The following PRKG1 variants were observed in gnomAD, a reference collection of about 807,000 sequenced individuals.
The protein encoded by PRKG1 is cGMP-dependent protein kinase 1.
In PRKG1, 35 loss-of-function variants were observed where a neutral mutation model predicts 88.1. The observed-to-expected ratio is 0.40, with a 90% confidence interval of 0.30 to 0.53. PRKG1 has a LOEUF of 0.53. Ranked by LOEUF, PRKG1 falls within the 20% of genes least tolerant of loss-of-function variation. The probability of loss-of-function intolerance (pLI) is 0.59; values close to 1 mark genes in which losing one functional copy is unlikely to be tolerated. For synonymous variants in PRKG1, 303 were observed against 292.5 expected (o/e 1.04, Z -0.37); for missense variants, 540 against 839.8 (o/e 0.64, Z 4.41).
rs777961533 is a variant in PRKG1, at chr10:51,078,305, G to A, written c.311+3404G>A. On this transcript the variant is annotated intron_variant, in intron 1 of 17. Coordinates refer to ENST00000373980, the MANE Select transcript of PRKG1 (RefSeq NM_006258.4). ...ACGATCTTGGCTCACTGTAACCTCC[G>A]CCTCCAGGGTTCAAGCAACTCTCCC... is the stretch of plus-strand genomic sequence containing the variant. 1.1e-4 allele frequency among the ~76,000 whole-genome samples: 16 copies of A among 151,536 alleles called. No individual in the cohort carries two copies. The East Asian group carries it at 1.6e-3, about 15-fold the overall frequency.
At chr10:52,275,696 T>C (rs1841856877) in intron 12 of PRKG1, among the ~76,000 whole-genome samples, 1 of 152,046 alleles carries the variant, frequency 6.6e-6, no homozygotes, top group Non-Finnish European at 1.5e-5. Context: ...ATTTTAGAAT[T>C]TTTTTTCTAA....
chr10:51,762,092 A>C (rs1041744270), intron 3 of PRKG1, among the ~76,000 whole-genome samples: 1 of 152,214 alleles, frequency 6.6e-6, no homozygotes, highest in Non-Finnish European at 1.5e-5. Flanking sequence ...CTGAGTTAAT[A>C]GTTTTATAGA....
intron 5 of PRKG1, among the ~76,000 whole-genome samples, chr10:52,051,095 G>C (rs1048651755): frequency 1.3e-5 from 2 of 152,118 alleles, no homozygotes; most frequent in Non-Finnish European, 2.9e-5. Flanking sequence ...CAATAGTGCT[G>C]AGGTTAAGAA....
chr10:50,995,424 G>A (rs982752140), intron 1 of PRKG1, among the ~76,000 whole-genome samples: 3 of 152,186 alleles, frequency 2.0e-5, no homozygotes, highest in Non-Finnish European at 2.9e-5. Context: ...GAACATATCC[G>A]ACTTATTGCG....
chr10:51,176,004 A>G (rs1325405005), intron 2 of PRKG1, among the ~76,000 whole-genome samples: 2 of 152,174 alleles, frequency 1.3e-5, no homozygotes, highest in Non-Finnish European at 2.9e-5. Context: ...GTACAGTTTA[A>G]GAAAGATGGG....
intron 3 of PRKG1, among the ~76,000 whole-genome samples, chr10:51,468,927 C>G (rs573647296): frequency 6.6e-6 from 1 of 151,772 alleles, no homozygotes; most frequent in Admixed American, 6.6e-5. Flanking sequence ...AGTGAAATCA[C>G]CTTTTTATTC....
rs558266389 is a variant in PRKG1 at position 51,945,277 on chromosome 10, C to A, written c.762+37707C>A. Among the ~76,000 whole-genome samples, 15 of 150,734 alleles carry A rather than the reference C, an allele frequency of 1.0e-4. No homozygotes were observed. The East Asian group carries it at 1.8e-3, about 18-fold the overall frequency. On this transcript the variant is annotated intron_variant, in intron 5 of 17. Transcript: ENST00000373980. ...GTTTTATCAGAGACTAGGATTGCAA[C>A]CCCAGCCTTTTTTTGTTTTCCATTT...
intron 4 of PRKG1, among the ~76,000 whole-genome samples, chr10:51,813,317 CA>C (rs141906300): frequency 0.041 from 6,261 of 152,150 alleles, 278 homozygotes; most frequent in East Asian, 0.11. Flanking sequence ...CAAATTTCAA[CA>C]ATGCCAAAAC....
chr10:51,769,303 T>C (rs149785242), intron 3 of PRKG1, among the ~76,000 whole-genome samples: 2 of 152,354 alleles, frequency 1.3e-5, no homozygotes, highest in African/African-American at 4.8e-5. Context: ...GAATCAATTA[T>C]CTTTTCAAGT....
At chr10:51,860,897 A>T (rs1840856318) in intron 4 of PRKG1, among the ~76,000 whole-genome samples, 1 of 152,210 alleles carries the variant, frequency 6.6e-6, no homozygotes, top group Admixed American at 6.5e-5. Flanking sequence ...GTAGCTGAAT[A>T]GAAAGCTGGA....
At chr10:51,437,450 T>C (rs1838966375) in intron 2 of PRKG1, among the ~76,000 whole-genome samples, 2 of 151,952 alleles carry the variant, frequency 1.3e-5, no homozygotes, top group Admixed American at 1.3e-4. Context: ...GTAAATGCTT[T>C]ATCTAATGGC....
Position 51,269,988 on chromosome 10 carries a change from C to T in PRKG1, c.478+116658C>T, listed in dbSNP as rs760165362. ...TTTCACTTCAGTGCACATAGAAAAC[C>T]ACAGAGATTGCTCACAGCTTGAGGT... On this transcript the variant is annotated intron_variant, in intron 2 of 17. Coordinates refer to ENST00000373980, the MANE Select transcript of PRKG1 (RefSeq NM_006258.4). Among the ~76,000 whole-genome samples, 44 of 152,110 alleles carry T rather than the reference C, an allele frequency of 2.9e-4. 1 individual carries two copies. Among genetic ancestry groups the T allele is most frequent in the Non-Finnish European group, 3.7e-4 (25 of 68,030 alleles).
intron 3 of PRKG1, among the ~76,000 whole-genome samples, chr10:51,616,178 C>A (rs961245643): frequency 6.6e-6 from 1 of 152,246 alleles, no homozygotes; most frequent in African/African-American, 2.4e-5. Flanking sequence ...GATGGACTGG[C>A]CTGCAGGCCC....
intron 4 of PRKG1, among the ~76,000 whole-genome samples, chr10:51,850,499 A>ATATATATATATATATATATATATG (rs1554848487): frequency 1.3e-5 from 2 of 151,282 alleles, no homozygotes; most frequent in African/African-American, 4.8e-5. Context: ...TTATATATAT[A>ATATATATATATATATATATATATG]TATATGTATA....
intron 3 of PRKG1, among the ~76,000 whole-genome samples, chr10:51,620,892 TAATCTGACATTATAGATCAAG>T (rs1253208510): frequency 1.1e-4 from 17 of 151,730 alleles, no homozygotes; most frequent in Admixed American, 1.1e-3. Context: ...CCAGATGTCC[TAATCTGACATTATAGATCAAG>T]GATTGGAATC....
At chr10:51,230,934 T>G (rs1017740343) in intron 2 of PRKG1, among the ~76,000 whole-genome samples, 3 of 152,200 alleles carry the variant, frequency 2.0e-5, no homozygotes, top group African/African-American at 7.2e-5. Flanking sequence ...TGGTCATTTT[T>G]AAGTGCACTT....
intron 5 of PRKG1, among the ~76,000 whole-genome samples, chr10:51,995,156 T>C (rs1044776690): frequency 6.6e-6 from 1 of 152,188 alleles, no homozygotes; most frequent in African/African-American, 2.4e-5. Flanking sequence ...TTTGATACTC[T>C]TTTTACTTTG....
intron 2 of PRKG1, among the ~76,000 whole-genome samples, chr10:51,281,551 C>G (rs1363592109): frequency 2.6e-5 from 4 of 152,118 alleles, no homozygotes; most frequent in African/African-American, 9.7e-5. Context: ...AACAAAGCGG[C>G]CTGGAAGCTC....
At chr10:52,229,521 C>T (rs948096053) in intron 9 of PRKG1, among the ~76,000 whole-genome samples, 1 of 152,176 alleles carries the variant, frequency 6.6e-6, no homozygotes, top group African/African-American at 2.4e-5. Context: ...AGGATGGAGT[C>T]CCTGAGTGGC....
Sources: gnomAD v4.1 joint callset for allele counts (sites outside exome capture counted in the v4.1 genomes callset) on GRCh38, gnomAD v4.1.1 for gene constraint, MANE v1.5 for transcripts, NCBI Gene and HGNC (gene_info 2026-07-23, HGNC 2026-07-21) for gene names.